HDAC9: variants seen among roughly 807,000 people sequenced by gnomAD.
HDAC9 encodes MEF-2 interacting transcription repressor (MITR) protein.
In HDAC9, 41 loss-of-function variants were observed where a neutral mutation model predicts 139.4. That is an observed-to-expected ratio of 0.29 (90% CI 0.23 to 0.38). HDAC9 has a LOEUF of 0.38. Among genes scored for constraint, HDAC9 ranks in the 10% least tolerant of loss-of-function variants. The pLI is 1.00. For synonymous variants in HDAC9, 517 were observed against 476.2 expected (o/e 1.09, Z -1.12); for missense variants, 1,147 against 1,297.0 (o/e 0.88, Z 1.78).
chr7:18,279,404 A>G (rs1035587771), intron 2 of HDAC9, among the ~76,000 whole-genome samples: 3 of 151,868 alleles, frequency 2.0e-5, no homozygotes, highest in Admixed American at 6.6e-5. Context: ...ACCCAGTGAC[A>G]TCATGATGAA....
At chr7:18,394,685 G>C (rs547468513) in intron 1 of HDAC9, among the ~76,000 whole-genome samples, 1 of 152,174 alleles carries the variant, frequency 6.6e-6, no homozygotes, top group East Asian at 1.9e-4. Flanking sequence ...TAGTACAATA[G>C]ACTACATTTC....
At chr7:18,702,689 A>T (rs533714262) in intron 12 of HDAC9, among the ~76,000 whole-genome samples, 1 of 152,258 alleles carries the variant, frequency 6.6e-6, no homozygotes, top group East Asian at 1.9e-4. Flanking sequence ...GCAGCTCGGA[A>T]ATCTGCATAG....
chr7:18,266,094 C>A (rs1291506638), intron 2 of HDAC9, among the ~76,000 whole-genome samples: 2 of 152,188 alleles, frequency 1.3e-5, no homozygotes, highest in Non-Finnish European at 2.9e-5. Context: ...ACTCACTGGT[C>A]ATTTGGAAAA....
At chr7:18,179,505 G>T (rs555509834) in intron 2 of HDAC9, among the ~76,000 whole-genome samples, 43 of 152,188 alleles carry the variant, frequency 2.8e-4, no homozygotes, top group African/African-American at 7.9e-4. Context: ...CACTATATAA[G>T]GATGAATAAG....
chr7:18,253,696 G>A (rs554696012), intron 2 of HDAC9, among the ~76,000 whole-genome samples: 2 of 152,290 alleles, frequency 1.3e-5, no homozygotes, highest in East Asian at 3.9e-4. Flanking sequence ...GGGGACAGGT[G>A]TTGGGAACCT....
intron 16 of HDAC9, among the ~76,000 whole-genome samples, chr7:18,790,483 C>T (rs150116518): frequency 6.6e-6 from 1 of 152,106 alleles, no homozygotes; most frequent in Non-Finnish European, 1.5e-5. Flanking sequence ...TGGGTTGGCA[C>T]CTTTATCTTG....
chr7:18,654,976 A>T (rs962195858), intron 11 of HDAC9, among the ~76,000 whole-genome samples: 3 of 152,154 alleles, frequency 2.0e-5, no homozygotes, highest in African/African-American at 4.8e-5. Context: ...CCTTTCTCGC[A>T]TGTTGTCACA....
intron 16 of HDAC9, among the ~76,000 whole-genome samples, chr7:18,787,871 C>T (rs966540741): frequency 4.6e-5 from 7 of 152,310 alleles, no homozygotes; most frequent in African/African-American, 1.7e-4. Context: ...ATCTATCAGC[C>T]TCTTCCAGTT....
chr7:18,393,870 A>T (rs1786775597), intron 1 of HDAC9, among the ~76,000 whole-genome samples: 1 of 152,214 alleles, frequency 6.6e-6, no homozygotes, highest in African/African-American at 2.4e-5. Context: ...CACGCACGGA[A>T]CAATGGGCCT....
chr7:18,997,121 C>A lies in HDAC9; in HGVS notation c.*1059C>A, dbSNP rs936073026. The A allele has an allele frequency of 6.6e-6, 1 of 152,030 alleles. No individual in the cohort carries two copies. Among genetic ancestry groups the A allele is most frequent in the Non-Finnish European group, 1.5e-5 (1 of 67,998 alleles). 9.4% of individuals were successfully genotyped at this position (152,030 alleles called of 1,614,324 possible). A position where few individuals can be genotyped will look rare whatever the true frequency, so the allele number is the denominator to read the frequency against. On this transcript the variant is annotated 3_prime_UTR_variant, in exon 26 of 26. Transcript: ENST00000686413. ...TTGACTATTTAGTTTATTTTGTTTA[C>A]TTTACAGGTTAACACAGTTGTTTTG...
At chr7:18,668,928 T>G in intron 12 of HDAC9, 1 of 971,420 alleles carries the variant, frequency 1.0e-6, no homozygotes, top group Non-Finnish European at 1.2e-6. Context: ...TATATCAAAA[T>G]ACATTGCCAG....
chr7:18,236,173 T>G (rs773199977), intron 2 of HDAC9, among the ~76,000 whole-genome samples: 5 of 152,180 alleles, frequency 3.3e-5, no homozygotes, highest in Non-Finnish European at 7.3e-5. Context: ...GTGGCTCTCA[T>G]TGCATGATCC....
chr7:18,957,826 C>A (rs1783262232), intron 24 of HDAC9, among the ~76,000 whole-genome samples: 1 of 152,152 alleles, frequency 6.6e-6, no homozygotes, highest in Non-Finnish European at 1.5e-5. Flanking sequence ...CAGATTTCAG[C>A]CCACCTTCTA....
chr7:18,116,181 T>C (rs1009905743), intron 1 of HDAC9, among the ~76,000 whole-genome samples: 4 of 152,234 alleles, frequency 2.6e-5, no homozygotes, highest in African/African-American at 9.6e-5. Flanking sequence ...TTCTTGCATA[T>C]ATAACCATAA....
At chr7:18,371,362 A>G (rs1381576979) in intron 1 of HDAC9, among the ~76,000 whole-genome samples, 1 of 152,184 alleles carries the variant, frequency 6.6e-6, no homozygotes, top group Non-Finnish European at 1.5e-5. Flanking sequence ...AGGAAGATAA[A>G]TGAATTTTTC....
intron 1 of HDAC9, among the ~76,000 whole-genome samples, chr7:18,302,894 C>A (rs1214208490): frequency 6.6e-6 from 1 of 152,162 alleles, no homozygotes; most frequent in Non-Finnish European, 1.5e-5. Context: ...AGTTCTTTAA[C>A]TGGTTGAATT....
chr7:18,214,471 C>T (rs1792158266), intron 2 of HDAC9, among the ~76,000 whole-genome samples: 1 of 152,058 alleles, frequency 6.6e-6, no homozygotes. Context: ...TCTGATCTCT[C>T]TCATCCCACC....
At chr7:18,681,723 C>G (rs933487577) in intron 12 of HDAC9, among the ~76,000 whole-genome samples, 2 of 151,894 alleles carry the variant, frequency 1.3e-5, no homozygotes, top group Non-Finnish European at 2.9e-5. Flanking sequence ...GAAGATGTGC[C>G]CATGGACTTA....
At chr7:18,797,616 T>C (rs1792916298) in intron 17 of HDAC9, among the ~76,000 whole-genome samples, 1 of 151,968 alleles carries the variant, frequency 6.6e-6, no homozygotes, top group Non-Finnish European at 1.5e-5. Context: ...TGACTTGAGG[T>C]CTGGTGTTCA....
Sources: allele counts gnomAD v4.1 joint callset (sites outside exome capture counted in the v4.1 genomes callset), GRCh38; gene constraint gnomAD v4.1.1; transcripts MANE v1.5; gene names NCBI Gene and HGNC (gene_info 2026-07-23, HGNC 2026-07-21).